Variants in SLA observed in about 807,000 individuals in gnomAD.
SLA encodes the protein Src like adaptor.
In SLA, 16 loss-of-function variants were observed where a neutral mutation model predicts 30.3. The ratio of observed to expected loss-of-function variants is 0.53; its 90% confidence interval spans 0.36 to 0.80. The LOEUF is 0.80. SLA is among the 30% of genes least tolerant of loss of function. The probability of loss-of-function intolerance (pLI) is 0.01; values close to 1 mark genes in which losing one functional copy is unlikely to be tolerated. For missense variants in SLA, 310 were observed against 345.2 expected, an observed-to-expected ratio of 0.90 and a Z score of 0.81; for synonymous variants, 143 against 137.8, an observed-to-expected ratio of 1.04 and a Z score of -0.26.
chr8:133,044,742 G>C (rs541487199), intron 7 of SLA, among the ~76,000 whole-genome samples: 1 of 152,314 alleles, frequency 6.6e-6, no homozygotes, highest in African/African-American at 2.4e-5. Flanking sequence ...ACCCTAACTT[G>C]TTTAATGTAC....
chr8:133,067,790 GAA>G (rs1564145104), intron 2 of SLA, among the ~76,000 whole-genome samples: 4 of 142,372 alleles, frequency 2.8e-5, no homozygotes, highest in Admixed American at 2.2e-4. Flanking sequence ...AAGAAAGAAA[GAA>G]AAAGAAAGAA....
At chr8:133,097,774 A>ATT (rs1242029757) in intron 1 of SLA, among the ~76,000 whole-genome samples, 13 of 152,330 alleles carry the variant, frequency 8.5e-5, no homozygotes, top group Admixed American at 7.8e-4. Context: ...GTATATATAT[A>ATT]CACACATGCA....
At chr8:133,041,202 C>T (rs1405133713) in intron 7 of SLA, among the ~76,000 whole-genome samples, 1 of 152,208 alleles carries the variant, frequency 6.6e-6, no homozygotes, top group African/African-American at 2.4e-5. Flanking sequence ...CTAAGCCACC[C>T]CTGGCCTCAG....
chr8:133,085,115 C>A (rs1223260856), intron 1 of SLA, among the ~76,000 whole-genome samples: 1 of 152,222 alleles, frequency 6.6e-6, no homozygotes, highest in African/African-American at 2.4e-5. Flanking sequence ...CTTCTCTTTC[C>A]TCCGTGTGTA....
chr8:133,039,658 G>A (rs1837785352), intron 8 of SLA, among the ~76,000 whole-genome samples: 1 of 152,316 alleles, frequency 6.6e-6, no homozygotes, highest in South Asian at 2.1e-4. Flanking sequence ...AATTTACACA[G>A]GATGTGTTAC....
At chr8:133,085,705 T>A (rs1281347117) in intron 1 of SLA, among the ~76,000 whole-genome samples, 1 of 152,218 alleles carries the variant, frequency 6.6e-6, no homozygotes, top group East Asian at 1.9e-4. Flanking sequence ...TAACAATTTT[T>A]AAAAACCAGA....
At chr8:133,049,559 G>A in intron 5 of SLA, 1 of 307,370 alleles carries the variant, frequency 3.3e-6, no homozygotes, top group East Asian at 7.2e-5. Context: ...AGTGACAGAG[G>A]CAGGATTTGA....
chr8:133,096,639 G>C (rs1848458800), intron 1 of SLA, among the ~76,000 whole-genome samples: 1 of 152,242 alleles, frequency 6.6e-6, no homozygotes, highest in South Asian at 2.1e-4. Flanking sequence ...TGCAGCTCAG[G>C]GCTGCAAGTT....
Position 133,050,950 on chromosome 8 carries a change from G to A in SLA, c.62-35C>T, listed in dbSNP as rs761968273. On this transcript the variant is annotated intron_variant, in intron 3 of 8. Transcript: ENST00000338087. ...CAAAGGCAAGGGGGAAGGGGGCAAG[G>A]TGCTTTTTATTCACAAGGAGCTTAA... 2.1e-5 allele frequency: 27 copies of A among 1,308,822 alleles called. No homozygotes were observed. The Admixed American group carries it at 4.6e-4, about 22-fold the overall frequency. 81.1% of individuals were successfully genotyped at this position (1,308,822 alleles called of 1,614,324 possible).
At chr8:133,058,159 G>C (rs1321004504) in intron 3 of SLA, among the ~76,000 whole-genome samples, 1 of 152,212 alleles carries the variant, frequency 6.6e-6, no homozygotes, top group African/African-American at 2.4e-5. Flanking sequence ...CGGCATCACT[G>C]CACCGCCTTC....
chr8:133,078,391 G>T (rs1477389500), intron 1 of SLA, among the ~76,000 whole-genome samples: 1 of 152,194 alleles, frequency 6.6e-6, no homozygotes, highest in Non-Finnish European at 1.5e-5. Context: ...AGCCAGGGAG[G>T]ACTGTATTGT....
chr8:133,080,974 A>T (rs1845656698), intron 1 of SLA, among the ~76,000 whole-genome samples: 2 of 152,250 alleles, frequency 1.3e-5, no homozygotes, highest in Non-Finnish European at 2.9e-5. Context: ...AATGGGACAC[A>T]TTGCGTATTG....
At chr8:133,095,123 T>C in intron 1 of SLA, 1 of 1,614,038 alleles carries the variant, frequency 6.2e-7, no homozygotes, top group Non-Finnish European at 8.5e-7. Context: ...GCAAAGGAGG[T>C]CAGTTGCCCC....
At chr8:133,042,336 A>T (rs1036271430) in intron 7 of SLA, among the ~76,000 whole-genome samples, 1 of 152,104 alleles carries the variant, frequency 6.6e-6, no homozygotes, top group African/African-American at 2.4e-5. Flanking sequence ...AGGGTCCAAC[A>T]GCTCTATATT....
At chr8:133,050,185 C>T (rs1840145713) in intron 4 of SLA, 197 bp from the exon 5 acceptor site, 1 of 575,934 alleles carries the variant, frequency 1.7e-6, no homozygotes, top group Admixed American at 2.8e-5. Flanking sequence ...GGATAGCCCT[C>T]CATTGCAAGC....
chr8:133,061,903 A>C (rs988401746), intron 2 of SLA, among the ~76,000 whole-genome samples: 22 of 152,218 alleles, frequency 1.4e-4, no homozygotes, highest in Non-Finnish European at 1.0e-4. Flanking sequence ...TGAGACTCCT[A>C]CTATATTAAG....
chr8:133,049,950 C>T lies in SLA; in HGVS notation c.200G>A (p.Gly67Asp). Residue 67 changes from glycine (G) to aspartate (D), a missense_variant, in exon 5 of 9, where the codon GGT becomes GAT. Gly to Asp is a moderately conservative substitution (Grantham distance 94). Coordinates refer to ENST00000338087, the MANE Select transcript of SLA (RefSeq NM_001045556.3). ...TATTCCAGGGATGTAACTCTCTCGA[C>T]CAGTGCTAAGAGAAATAGCTTTCCA... is the stretch of plus-strand genomic sequence containing the variant. Reference protein sequence around the residue: ...GWWKAISLSTGRESYIPGICV... With the variant: ...GWWKAISLSTDRESYIPGICV... 1 of 1,613,772 alleles carries T rather than the reference C, an allele frequency of 6.2e-7. No homozygotes were observed. The highest frequency in any genetic ancestry group is 8.5e-7 in the Non-Finnish European group (1 of 1,179,652).
chr8:133,061,009 C>G (rs780277244), intron 2 of SLA, among the ~76,000 whole-genome samples: 5 of 152,168 alleles, frequency 3.3e-5, no homozygotes, highest in Non-Finnish European at 5.9e-5. Context: ...AGTCATTAAC[C>G]TTTTCTGTTT....
chr8:133,087,112 ACACACACACACG>A (rs1846710477), intron 1 of SLA, among the ~76,000 whole-genome samples: 4 of 117,782 alleles, frequency 3.4e-5, no homozygotes, highest in South Asian at 2.9e-4. Flanking sequence ...ACACACACAC[ACACACACACACG>A]GAAGAGACAT....
Sources: gnomAD v4.1 joint callset for allele counts (sites outside exome capture counted in the v4.1 genomes callset) on GRCh38, gnomAD v4.1.1 for gene constraint, MANE v1.5 for transcripts, NCBI Gene and HGNC (gene_info 2026-07-23, HGNC 2026-07-21) for gene names.